The following PGS1 variants were observed in gnomAD, a reference collection of about 807,000 sequenced individuals.
The protein encoded by PGS1 is phosphatidylglycerophosphate synthase 1.
Under a neutral mutation model 58.3 loss-of-function variants are expected in PGS1, and 44 were observed. The ratio of observed to expected loss-of-function variants is 0.75; its 90% CI spans 0.59 to 0.97. The LOEUF (loss-of-function observed/expected upper bound fraction) is 0.97, where lower values mean the gene tolerates loss of function less well. Among genes scored for constraint, PGS1 ranks in the 50% least tolerant of loss-of-function variants. The pLI is 0.00. For synonymous variants in PGS1, 330 were observed against 311.0 expected, an observed-to-expected ratio of 1.06 and a Z score of -0.64; for missense variants, 684 against 731.1, an observed-to-expected ratio of 0.94 and a Z score of 0.74.
chr17:78,382,749 T>C (rs896186158), intron 1 of PGS1: 3 of 150,826 alleles, frequency 2.0e-5, no homozygotes, highest in African/African-American at 7.4e-5. Flanking sequence ...TTCAAGCGAT[T>C]CTCCTGCCTC....
At chr17:78,397,178 C>G (rs1160251287) in intron 3 of PGS1, among the ~76,000 whole-genome samples, 2 of 149,588 alleles carry the variant, frequency 1.3e-5, no homozygotes, top group Non-Finnish European at 3.0e-5. Context: ...TTGGGGCCAG[C>G]GCAGGTTCTG....
In PGS1 at chr17:78,420,291, A is replaced by AT; in HGVS notation, c.*10+616_*10+617insT. ...CCCAGGAGGGGCCTGCCGCTTCACC[A>AT]GAGGCACCAGTGGGGTCCCACAGTC... On this transcript the variant is annotated intron_variant, in intron 9 of 9. Transcript: ENST00000262764. 4 of 923,486 alleles carry AT rather than the reference A, an allele frequency of 4.3e-6. No homozygotes were observed. In the Admixed American group the frequency reaches 1.8e-4, roughly 41 times the overall value. 57.2% of individuals were successfully genotyped at this position (923,486 alleles called of 1,614,324 possible). A position where few individuals can be genotyped will look rare whatever the true frequency, so the allele number is the denominator to read the frequency against.
At chr17:78,406,674 G>A (rs925528281) in intron 7 of PGS1, among the ~76,000 whole-genome samples, 1 of 152,242 alleles carries the variant, frequency 6.6e-6, no homozygotes, top group Admixed American at 6.5e-5. Flanking sequence ...AGTATTTTTG[G>A]ATTGGCGTTA....
chr17:78,396,695 C>T (rs1352716461), intron 3 of PGS1, among the ~76,000 whole-genome samples: 2 of 152,244 alleles, frequency 1.3e-5, no homozygotes, highest in African/African-American at 4.8e-5. Flanking sequence ...CCGACTGTGG[C>T]CTGCCACCTG....
chr17:78,393,557 G>C (rs562049544), intron 2 of PGS1, among the ~76,000 whole-genome samples: 2 of 152,298 alleles, frequency 1.3e-5, no homozygotes, highest in African/African-American at 4.8e-5. Context: ...TCCAAACACA[G>C]TAGTGTCATC....
intron 6 of PGS1, among the ~76,000 whole-genome samples, chr17:78,401,913 G>A (rs761393893): frequency 2.6e-5 from 4 of 151,544 alleles, no homozygotes; most frequent in Non-Finnish European, 5.9e-5. Flanking sequence ...CTAATGTAAC[G>A]GGCCAGGCAT....
chr17:78,414,840 G>A, intron 7 of PGS1, 39 bp from the exon 8 acceptor site: 1 of 1,608,740 alleles, frequency 6.2e-7, no homozygotes, highest in Non-Finnish European at 8.5e-7. Context: ...GGTAGATGCT[G>A]TGCTCATTTC....
chr17:78,419,714 G>A (rs201615281), intron 9 of PGS1, 39 bp downstream of exon 9: 68 of 1,608,454 alleles, frequency 4.2e-5, no homozygotes, highest in East Asian at 4.5e-5. Flanking sequence ...CGATTTTCCC[G>A]AGAGTTCACA....
intron 9 of PGS1, among the ~76,000 whole-genome samples, chr17:78,423,040 G>A (rs1028305819): frequency 3.3e-5 from 5 of 151,376 alleles, no homozygotes; most frequent in African/African-American, 7.3e-5. Flanking sequence ...AGGTTGCAAC[G>A]TGAGCCGAGA....
intron 7 of PGS1, among the ~76,000 whole-genome samples, chr17:78,407,042 C>T (rs1455888591): frequency 1.3e-5 from 2 of 152,232 alleles, no homozygotes; most frequent in African/African-American, 4.8e-5. Context: ...TCTGCCACTC[C>T]CTCTCTCCTG....
At position 78,403,725 on chromosome 17, in the gene PGS1, C is replaced by T. The variant is rs886541263; in HGVS notation, c.1038C>T (p.Ala346=). The change falls in exon 7 of 10, where the codon GCC becomes GCT. Residue 346 remains alanine, a synonymous_variant. Coordinates refer to ENST00000262764, the MANE Select transcript of PGS1 (RefSeq NM_024419.5). Reference sequence around the variant, plus strand: ...CAGCTGCTGGGGATCGCAGACCAGCCCCTGACACCTGGATTTATCCGCTGA... The same window carrying T: ...CAGCTGCTGGGGATCGCAGACCAGCTCCTGACACCTGGATTTATCCGCTGA... The part of the protein sequence containing the change: ...DAAAAGDRRP[A]PDTWIYPLIQ... 3 of 1,614,214 alleles carry T rather than the reference C, an allele frequency of 1.9e-6. No individual in the cohort carries two copies. Among genetic ancestry groups the T allele is most frequent in the Non-Finnish European group, 2.5e-6 (3 of 1,180,040 alleles).
chr17:78,406,202 C>G (rs528003389), intron 7 of PGS1, among the ~76,000 whole-genome samples: 40 of 152,224 alleles, frequency 2.6e-4, no homozygotes, highest in African/African-American at 9.1e-4. Flanking sequence ...CCTGTAGTCC[C>G]AGCCACTTGG....
intron 1 of PGS1, among the ~76,000 whole-genome samples, chr17:78,390,424 G>A (rs879510617): frequency 6.6e-6 from 1 of 152,210 alleles, no homozygotes; most frequent in Admixed American, 6.5e-5. Flanking sequence ...TGTTGACTAA[G>A]GTTTTCTTGG....
At chr17:78,395,938 C>T in intron 2 of PGS1, among the ~76,000 whole-genome samples, 1 of 152,208 alleles carries the variant, frequency 6.6e-6, no homozygotes, top group East Asian at 1.9e-4. Flanking sequence ...CAGGGTTTCG[C>T]CATGTTGGCC....
Position 78,399,331 on chromosome 17 carries a change from T to C in PGS1, c.512-17T>C. ...TCCTGTTGTGAGTCAGGTGCCGTTTTCTCTGTCCGTGTTCAGGCCGGAAGA... is the reference window on the plus strand; with the variant it reads ...TCCTGTTGTGAGTCAGGTGCCGTTTCCTCTGTCCGTGTTCAGGCCGGAAGA... On this transcript the variant is annotated splice_polypyrimidine_tract_variant and intron_variant, in intron 4 of 9. Coordinates refer to ENST00000262764, the MANE Select transcript of PGS1 (RefSeq NM_024419.5). The C allele has an allele frequency of 6.2e-7, 1 of 1,607,454 alleles. No homozygotes were observed. The highest frequency in any genetic ancestry group is 8.5e-7 in the Non-Finnish European group (1 of 1,174,500).
intron 1 of PGS1, among the ~76,000 whole-genome samples, chr17:78,384,598 C>T (rs1487853685): frequency 2.0e-5 from 3 of 152,062 alleles, no homozygotes; most frequent in South Asian, 2.1e-4. Context: ...ATGTACCTTA[C>T]GGTTAAAGAA....
Position 78,390,376 on chromosome 17 carries a change from C to T in PGS1, c.144-2100C>T, listed in dbSNP as rs545077149. ...TCTGCACTGGGTGGCCACGGCCAGT[C>T]GCAGACTTCCAGGATCCACAGAGGC... On this transcript the variant is annotated intron_variant, in intron 1 of 9. Transcript: ENST00000262764. Among the ~76,000 whole-genome samples the T allele has an allele frequency of 1.2e-4, 19 of 152,176 alleles. No homozygotes were observed. In the East Asian group the frequency reaches 1.9e-3, roughly 15 times the overall value.
intron 9 of PGS1, chr17:78,423,748 A>AC (rs2086196627): frequency 2.1e-6 from 2 of 955,930 alleles, no homozygotes; most frequent in Non-Finnish European, 3.1e-6. Flanking sequence ...ACCAACCTCC[A>AC]CCCTCTGGTT....
intron 1 of PGS1, among the ~76,000 whole-genome samples, chr17:78,389,521 G>A (rs1012259247): frequency 2.6e-5 from 4 of 151,576 alleles, no homozygotes; most frequent in East Asian, 1.9e-4. Flanking sequence ...GGGTTTCATC[G>A]TGTTGGCCAG....
Sources: allele counts gnomAD v4.1 joint callset (sites outside exome capture counted in the v4.1 genomes callset), GRCh38; gene constraint gnomAD v4.1.1; transcripts MANE v1.5; gene names NCBI Gene and HGNC (gene_info 2026-07-23, HGNC 2026-07-21).